PEMT: variants seen among roughly 807,000 people sequenced by gnomAD.
The protein encoded by PEMT is phosphatidylethanolamine N-methyltransferase, also known as phospholipid methyltransferase.
In PEMT, 23 loss-of-function variants were observed where a neutral mutation model predicts 27.4. The ratio of observed to expected loss-of-function variants is 0.84; its 90% CI spans 0.60 to 1.19. The LOEUF (loss-of-function observed/expected upper bound fraction) is 1.19, where lower values mean the gene tolerates loss of function less well. Ranked by LOEUF, PEMT falls within the 50% of genes most tolerant of loss-of-function variation. The pLI, the probability that PEMT is intolerant of heterozygous loss-of-function variation, is 0.00. For synonymous variants in PEMT, 137 were observed against 139.1 expected, an observed-to-expected ratio of 0.98 and a Z score of 0.11; for missense variants, 307 against 310.1, an observed-to-expected ratio of 0.99 and a Z score of 0.07.
intron 2 of PEMT, among the ~76,000 whole-genome samples, chr17:17,527,797 G>A (rs1220565286): frequency 6.6e-6 from 1 of 152,238 alleles, no homozygotes; most frequent in African/African-American, 2.4e-5. Flanking sequence ...GGAGAGGACA[G>A]GCAGACAGAC....
At chr17:17,555,690 A>T (rs752259720) in intron 2 of PEMT, among the ~76,000 whole-genome samples, 1 of 152,154 alleles carries the variant, frequency 6.6e-6, no homozygotes, top group African/African-American at 2.4e-5. Flanking sequence ...ACCACGGCCC[A>T]TCCACCCAGA....
chr17:17,562,368 C>T (rs544613136), intron 2 of PEMT, among the ~76,000 whole-genome samples: 4 of 152,324 alleles, frequency 2.6e-5, no homozygotes, highest in Admixed American at 1.3e-4. Context: ...GGCTGACCAC[C>T]GTGACAGTCA....
intron 2 of PEMT, among the ~76,000 whole-genome samples, chr17:17,547,483 G>C (rs867361876): frequency 6.6e-6 from 1 of 152,250 alleles, no homozygotes; most frequent in Non-Finnish European, 1.5e-5. Flanking sequence ...AGTCAGGGAG[G>C]TGACCTTCAC....
intron 2 of PEMT, 59 bp downstream of exon 2, chr17:17,576,861 G>C: frequency 7.3e-7 from 1 of 1,368,666 alleles, no homozygotes; most frequent in Non-Finnish European, 1.0e-6. Context: ...TCCCCTGCAT[G>C]TGGGGCTCAC....
At chr17:17,521,755 C>T (rs11658872) in intron 3 of PEMT, among the ~76,000 whole-genome samples, 13,764 of 151,988 alleles carry the variant, frequency 0.091, 951 homozygotes, top group African/African-American at 0.19. Context: ...TTAGTAGAGA[C>T]GGAGTTTCAT....
chr17:17,520,308 C>T (rs970662796), intron 3 of PEMT, among the ~76,000 whole-genome samples: 1 of 152,196 alleles, frequency 6.6e-6, no homozygotes, highest in African/African-American at 2.4e-5. Context: ...TCTCCCGTCC[C>T]CTGATGCTCC....
At chr17:17,506,450 C>T in intron 5 of PEMT, 149 bp from the exon 6 acceptor site, 1 of 581,558 alleles carries the variant, frequency 1.7e-6, no homozygotes, top group South Asian at 2.1e-5. Context: ...GCAGCACTGC[C>T]CCTTCCTGAG....
chr17:17,581,683 C>T (rs1219944085), intron 1 of PEMT, among the ~76,000 whole-genome samples: 1 of 152,220 alleles, frequency 6.6e-6, no homozygotes, highest in Non-Finnish European at 1.5e-5. Context: ...AAAGCTGGAA[C>T]GTATCCACCC....
chr17:17,559,094 C>A (rs532332846), intron 2 of PEMT, among the ~76,000 whole-genome samples: 9 of 152,330 alleles, frequency 5.9e-5, no homozygotes, highest in South Asian at 2.1e-4. Flanking sequence ...CGCTCCCCCC[C>A]ATTTTTACAG....
rs4646339 is a variant in PEMT at position 17,590,714 on chromosome 17, T to C, written c.96+817A>G. Among the ~76,000 whole-genome samples the C allele has an allele frequency of 2.8e-4, 42 of 152,374 alleles. No individual in the cohort carries two copies. The East Asian group carries it at 7.5e-3, about 27-fold the overall frequency. On this transcript the variant is annotated intron_variant, in intron 1 of 6. Transcript: ENST00000255389. ...GATTAGAAGCTGCTTGGGGCAGAGA[T>C]GTGCCTTACAGGCTTCATGAAGAGT...
chr17:17,551,277 C>T (rs1237163724), intron 2 of PEMT, among the ~76,000 whole-genome samples: 3 of 152,224 alleles, frequency 2.0e-5, no homozygotes, highest in Non-Finnish European at 2.9e-5. Flanking sequence ...GGCACATTGT[C>T]ACTATCTGCC....
At chr17:17,580,350 G>A (rs574977705) in intron 1 of PEMT, among the ~76,000 whole-genome samples, 1 of 152,148 alleles carries the variant, frequency 6.6e-6, no homozygotes, top group South Asian at 2.1e-4. Context: ...GGTGGCGCAC[G>A]CCTATAGGCC....
intron 2 of PEMT, among the ~76,000 whole-genome samples, chr17:17,536,185 T>C (rs1185925937): frequency 2.0e-5 from 3 of 152,220 alleles, no homozygotes; most frequent in Non-Finnish European, 2.9e-5. Context: ...AGTGCAGCCA[T>C]GTATCCTATT....
intron 2 of PEMT, among the ~76,000 whole-genome samples, chr17:17,576,143 C>A (rs1452337251): frequency 1.3e-5 from 2 of 152,144 alleles, no homozygotes; most frequent in Admixed American, 6.5e-5. Flanking sequence ...AAGCACCCCC[C>A]AGAGACAGCC....
chr17:17,552,710 G>A (rs867231276), intron 2 of PEMT, among the ~76,000 whole-genome samples: 3 of 152,204 alleles, frequency 2.0e-5, no homozygotes, highest in African/African-American at 2.4e-5. Context: ...CCATGCTGTC[G>A]TTTTCTTTTT....
chr17:17,568,073 ACATG>A (rs557824761), intron 2 of PEMT, among the ~76,000 whole-genome samples: 8 of 152,174 alleles, frequency 5.3e-5, no homozygotes, highest in Admixed American at 2.0e-4. Context: ...ACACACACAC[ACATG>A]CCACCATCCT....
intron 2 of PEMT, among the ~76,000 whole-genome samples, chr17:17,541,033 C>T (rs922061448): frequency 5.3e-5 from 8 of 152,182 alleles, no homozygotes; most frequent in East Asian, 3.9e-4. Context: ...CCACCCTGGC[C>T]GCTGAGTGCT....
At chr17:17,558,639 C>T (rs1470526166) in intron 2 of PEMT, among the ~76,000 whole-genome samples, 1 of 147,350 alleles carries the variant, frequency 6.8e-6, no homozygotes, top group Admixed American at 6.8e-5. Context: ...GCAGAGATGG[C>T]GCTACTGCAC....
At chr17:17,577,107 C>T in intron 1 of PEMT, 80 bp from the exon 2 acceptor site, 1 of 1,036,208 alleles carries the variant, frequency 9.7e-7, no homozygotes, top group South Asian at 1.3e-5. Flanking sequence ...AAAAAGTTAC[C>T]CTCTGGGAAC....
Sources: gnomAD v4.1 joint callset for allele counts (sites outside exome capture counted in the v4.1 genomes callset) on GRCh38, gnomAD v4.1.1 for gene constraint, MANE v1.5 for transcripts, NCBI Gene and HGNC (gene_info 2026-07-23, HGNC 2026-07-21) for gene names.